ZFP82: variants seen among roughly 807,000 people sequenced by gnomAD.
ZFP82 encodes the protein ZFP82 zinc finger protein.
In ZFP82, 30 loss-of-function variants were observed where a neutral mutation model predicts 54.0. The observed-to-expected ratio is 0.56, with a 90% CI of 0.42 to 0.75. The LOEUF (loss-of-function observed/expected upper bound fraction) is 0.75, where lower values mean the gene tolerates loss of function less well. ZFP82 is among the 30% of genes least tolerant of loss of function. The pLI, the probability that ZFP82 is intolerant of heterozygous loss-of-function variation, is 0.00. For missense variants in ZFP82, 500 were observed against 636.8 expected, an observed-to-expected ratio of 0.79 and a Z score of 2.31; for synonymous variants, 194 against 209.5, an observed-to-expected ratio of 0.93 and a Z score of 0.64.
chr19:36,414,772 A>G (rs1224972978), intron 1 of ZFP82, among the ~76,000 whole-genome samples: 1 of 151,898 alleles, frequency 6.6e-6, no homozygotes, highest in Non-Finnish European at 1.5e-5. Flanking sequence ...ACACCATTCC[A>G]TATCATAAAA....
At position 36,393,565 on chromosome 19, in the gene ZFP82, A is replaced by G; in HGVS notation, c.775T>C (p.Cys259Arg). ...CCTCGTACCCTAAAAGCCTTCCCAC[A>G]TTCTTTACATTCATAGGGCTTCTCA... ...IGEKPYECKE[C>R]GKAFRVRGQL... The change falls in exon 5 of 5, where the codon TGT becomes CGT. Residue 259 changes from cysteine to arginine, a missense_variant. Coordinates refer to ENST00000392161, the MANE Select transcript of ZFP82 (RefSeq NM_133466.4). 6.2e-7 allele frequency: 1 copy of G among 1,614,126 alleles called. No homozygotes were observed. The highest frequency in any genetic ancestry group is 8.5e-7 in the Non-Finnish European group (1 of 1,180,028).
intron 4 of ZFP82, among the ~76,000 whole-genome samples, 174 bp downstream of exon 4, chr19:36,405,406 T>TCACAGACCTTTCCTCCTTGGGC (rs1289795223): frequency 9.9e-5 from 15 of 152,034 alleles, no homozygotes; most frequent in African/African-American, 3.4e-4. Context: ...GCTCCCCATG[T>TCACAGACCTTTCCTCCTTGGGC]CACAGACCTT....
Position 36,405,608 on chromosome 19 carries a change from A to C in ZFP82, c.201T>G (p.Val67=). The change falls in exon 4 of 5, where the codon GTT becomes GTG. Residue 67 remains valine (V), a synonymous_variant. Coordinates refer to ENST00000392161, the MANE Select transcript of ZFP82 (RefSeq NM_133466.4). ...GATATTGTCTTCTTCCTTTCCTCACAACTTTCCAAGGCTCTTTTCCTTGCT... is the reference window on the plus strand; with the variant it reads ...GATATTGTCTTCTTCCTTTCCTCACCACTTTCCAAGGCTCTTTTCCTTGCT... ...SLEQGKEPWK[V]VRKGRRQYPD... is the part of the protein sequence containing the mutation. The C allele has an allele frequency of 6.2e-7, 1 of 1,611,270 alleles. No homozygotes were observed. The highest frequency in any genetic ancestry group is 8.5e-7 in the Non-Finnish European group (1 of 1,177,970).
rs143148429 is a variant in ZFP82 at position 36,390,755 on chromosome 19, CTTTGTTTTGT to C, written c.*1976_*1985del. On this transcript the variant is annotated 3_prime_UTR_variant, in exon 5 of 5. Coordinates refer to ENST00000392161, the MANE Select transcript of ZFP82 (RefSeq NM_133466.4). ...TTTCAAATTCTATCATTCATTTGATCTTTGTTTTGTTTTGTTTTTTGTTTTTTGTTTGAGA... is the reference window on the plus strand; with the variant it reads ...TTTCAAATTCTATCATTCATTTGATCTTTGTTTTTTGTTTTTTGTTTGAGA... 6.6e-6 allele frequency: 1 copy of C among 151,634 alleles called. No individual in the cohort carries two copies. The highest frequency in any genetic ancestry group is 6.6e-5 in the Admixed American group (1 of 15,224). The allele number at this position is 151,634 out of a possible 1,614,324, so 9.4% of individuals were successfully genotyped here. A position where few individuals can be genotyped will look rare whatever the true frequency, so the allele number is the denominator to read the frequency against.
intron 4 of ZFP82, among the ~76,000 whole-genome samples, chr19:36,402,819 C>A (rs1039694890): frequency 1.3e-5 from 2 of 151,992 alleles, no homozygotes; most frequent in African/African-American, 4.8e-5. Flanking sequence ...CATGGTTAAA[C>A]CCCATCTCTA....
At chr19:36,386,113 C>G (rs2032111986), downstream of ZFP82, among the ~76,000 whole-genome samples, 1 of 152,220 alleles carries the variant, frequency 6.6e-6, no homozygotes, top group Admixed American at 6.5e-5. Flanking sequence ...TGAAGGCATT[C>G]TGGCGCTCTT....
At chr19:36,414,546 T>G (rs999246566) in intron 1 of ZFP82, among the ~76,000 whole-genome samples, 4 of 151,550 alleles carry the variant, frequency 2.6e-5, no homozygotes, top group Admixed American at 6.6e-5. Context: ...TGTATTTTAG[T>G]ACAGACAGGG....
chr19:36,386,763 C>G (rs1307583154), downstream of ZFP82, among the ~76,000 whole-genome samples: 1 of 152,100 alleles, frequency 6.6e-6, no homozygotes, highest in Non-Finnish European at 1.5e-5. Flanking sequence ...ATGGTGAAAC[C>G]CCATCTCTAC....
chr19:36,394,342 T>G (rs1007591472), intron 4 of ZFP82: 5 of 475,560 alleles, frequency 1.1e-5, no homozygotes, highest in African/African-American at 5.9e-5. Context: ...GGTTCTCATA[T>G]TGAGGTGTGG....
chr19:36,394,374 G>T, intron 4 of ZFP82: 1 of 405,152 alleles, frequency 2.5e-6, no homozygotes, highest in African/African-American at 2.1e-5. Context: ...CACATAGCTT[G>T]TTACTAACAC....
At chr19:36,395,656 G>A (rs976087962) in intron 4 of ZFP82, 20 of 151,946 alleles carry the variant, frequency 1.3e-4, no homozygotes, top group African/African-American at 4.6e-4. Flanking sequence ...GAGAGAAACA[G>A]GATGAGGTTT....
chr19:36,388,791 T>G lies in ZFP82; in HGVS notation c.*3950A>C, dbSNP rs1478424966. On this transcript the variant is annotated 3_prime_UTR_variant, in exon 5 of 5. Transcript: ENST00000392161. Reference sequence around the variant, plus strand: ...CTACTTGCTGTTATTCACCTTAGTTTTTAAAAATTTCTAGCTTAAGTTAAT... The same window carrying G: ...CTACTTGCTGTTATTCACCTTAGTTGTTAAAAATTTCTAGCTTAAGTTAAT... Among the ~76,000 whole-genome samples the G allele has an allele frequency of 6.6e-6, 1 of 152,202 alleles. No individual in the cohort carries two copies. The highest frequency in any genetic ancestry group is 2.4e-5 in the African/African-American group (1 of 41,464).
At chr19:36,394,204 C>A in intron 4 of ZFP82, 94 bp from the exon 5 acceptor site, 1 of 1,170,144 alleles carries the variant, frequency 8.5e-7, no homozygotes, top group Non-Finnish European at 1.2e-6. Flanking sequence ...AAAAGTAATC[C>A]TTAACCAAAA....
chr19:36,391,262 G>T lies in ZFP82; in HGVS notation c.*1479C>A, dbSNP rs150782195. The T allele has an allele frequency of 7.9e-5, 12 of 151,892 alleles. No homozygotes were observed. In the East Asian group the frequency reaches 2.3e-3, roughly 29 times the overall value. The allele number at this position is 151,892 out of a possible 1,614,324, so 9.4% of individuals were successfully genotyped here. On this transcript the variant is annotated 3_prime_UTR_variant, in exon 5 of 5. Coordinates refer to ENST00000392161, the MANE Select transcript of ZFP82 (RefSeq NM_133466.4). ...GTTCAGGAAAAAAAAAAGCTCAAAG[G>T]TTGGAGTGGTCATGATAAAAGGACA...
chr19:36,384,462 T>C (rs2032094305), downstream of ZFP82: 1 of 152,182 alleles, frequency 6.6e-6, no homozygotes, highest in African/African-American at 2.4e-5. Flanking sequence ...ACATCTGCAA[T>C]AGGTATTGGG....
rs1235317633 is a variant in ZFP82 at position 36,390,613 on chromosome 19, G to A, written c.*2128C>T. 6.6e-6 allele frequency: 1 copy of A among 152,042 alleles called. No homozygotes were observed. The highest frequency in any genetic ancestry group is 1.9e-4 in the East Asian group (1 of 5,172). The allele number at this position is 152,042 out of a possible 1,614,324, so 9.4% of individuals were successfully genotyped here. A position where few individuals can be genotyped will look rare whatever the true frequency, so the allele number is the denominator to read the frequency against. On this transcript the variant is annotated 3_prime_UTR_variant, in exon 5 of 5. Transcript: ENST00000392161. The stretch of plus-strand genomic sequence containing the variant: ...TTTAGAGATGTTAATATAGATTAGT[G>A]TCCTGTCATTCTGCTCCATGCATTA...
At chr19:36,387,672 C>A (rs2032130976), downstream of ZFP82, among the ~76,000 whole-genome samples, 1 of 152,206 alleles carries the variant, frequency 6.6e-6, no homozygotes, top group Non-Finnish European at 1.5e-5. Flanking sequence ...GGCTGGAGTG[C>A]AATGGTGCAA....
Position 36,407,871 on chromosome 19 carries a change from A to C in ZFP82, c.136+16T>G. 6.2e-7 allele frequency: 1 copy of C among 1,611,378 alleles called. No individual in the cohort carries two copies. The highest frequency in any genetic ancestry group is 1.7e-5 in the Admixed American group (1 of 59,462). Reference sequence around the variant, plus strand: ...CAGAGAACACAGTCTAAATTCCTAGAAGCAGATAACCTTACCCAGTGAGAC... The same window carrying C: ...CAGAGAACACAGTCTAAATTCCTAGCAGCAGATAACCTTACCCAGTGAGAC... On this transcript the variant is annotated intron_variant, in intron 3 of 4. Transcript: ENST00000392161.
At chr19:36,414,524 C>T (rs371986640) in intron 1 of ZFP82, among the ~76,000 whole-genome samples, 7 of 151,608 alleles carry the variant, frequency 4.6e-5, no homozygotes, top group African/African-American at 1.5e-4. Flanking sequence ...CCACCACACC[C>T]GGCTGATTTT....
Sources: allele counts gnomAD v4.1 joint callset (sites outside exome capture counted in the v4.1 genomes callset), GRCh38; gene constraint gnomAD v4.1.1; transcripts MANE v1.5; gene names NCBI Gene and HGNC (gene_info 2026-07-23, HGNC 2026-07-21).